The following ELP4 variants were observed in gnomAD, a reference collection of about 807,000 sequenced individuals.
The protein encoded by ELP4 is elongator complex protein 4.
In ELP4, 51 loss-of-function variants were observed where a neutral mutation model predicts 48.9. The observed-to-expected ratio is 1.04, with a 90% CI of 0.83 to 1.32. The LOEUF (loss-of-function observed/expected upper bound fraction) is 1.32, where lower values mean the gene tolerates loss of function less well. Ranked by LOEUF, ELP4 falls within the 40% of genes most tolerant of loss-of-function variation. The pLI is 0.00. For missense variants in ELP4, 519 were observed against 514.6 expected, an observed-to-expected ratio of 1.01 and a Z score of -0.08; for synonymous variants, 210 against 189.2, an observed-to-expected ratio of 1.11 and a Z score of -0.90.
At chr11:31,661,232 A>G (rs912147506) in intron 9 of ELP4, among the ~76,000 whole-genome samples, 4 of 152,088 alleles carry the variant, frequency 2.6e-5, no homozygotes, top group African/African-American at 9.7e-5. Flanking sequence ...TAACAAAAGT[A>G]ATTTAACAAT....
intron 9 of ELP4, among the ~76,000 whole-genome samples, chr11:31,766,707 A>G (rs569194336): frequency 6.6e-6 from 1 of 151,680 alleles, no homozygotes; most frequent in South Asian, 2.1e-4. Flanking sequence ...ATAAATATAT[A>G]ATGAAAATAA....
chr11:31,588,063 A>G (rs937424880), intron 3 of ELP4, among the ~76,000 whole-genome samples: 4 of 152,110 alleles, frequency 2.6e-5, no homozygotes, highest in Non-Finnish European at 2.9e-5. Flanking sequence ...GTTTCTGTAT[A>G]TGCTTTGTGG....
chr11:31,518,385 C>T (rs1011134124), intron 1 of ELP4, among the ~76,000 whole-genome samples: 24 of 151,928 alleles, frequency 1.6e-4, no homozygotes, highest in Non-Finnish European at 2.9e-4. Flanking sequence ...GGATTACAGG[C>T]GTGTGCAACT....
At chr11:31,530,888 G>A (rs1487238160) in intron 2 of ELP4, among the ~76,000 whole-genome samples, 2 of 152,150 alleles carry the variant, frequency 1.3e-5, no homozygotes, top group Non-Finnish European at 2.9e-5. Flanking sequence ...GTTGACTACT[G>A]TGGAATAGAA....
intron 7 of ELP4, among the ~76,000 whole-genome samples, chr11:31,638,273 T>G (rs1945022008): frequency 6.6e-6 from 1 of 151,854 alleles, no homozygotes; most frequent in Non-Finnish European, 1.5e-5. Flanking sequence ...TAATTTTAAG[T>G]ATTGCCAGAG....
intron 3 of ELP4, among the ~76,000 whole-genome samples, chr11:31,568,394 A>G (rs931060394): frequency 3.9e-5 from 6 of 152,214 alleles, no homozygotes; most frequent in African/African-American, 1.2e-4. Context: ...CACTACTTCC[A>G]TCAAACTACC....
chr11:31,566,229 G>A (rs1212194575), intron 3 of ELP4, among the ~76,000 whole-genome samples: 1 of 152,022 alleles, frequency 6.6e-6, no homozygotes, highest in Non-Finnish European at 1.5e-5. Context: ...GTGGCAGTAT[G>A]CACCTGTAGT....
chr11:31,660,056 T>G (rs986113800), intron 9 of ELP4, among the ~76,000 whole-genome samples: 4 of 152,202 alleles, frequency 2.6e-5, no homozygotes, highest in Admixed American at 6.6e-5. Context: ...AGCAAAGTTG[T>G]ATTTAATTAC....
At chr11:31,734,869 A>G (rs1947272085) in intron 9 of ELP4, among the ~76,000 whole-genome samples, 1 of 152,208 alleles carries the variant, frequency 6.6e-6, no homozygotes, top group Non-Finnish European at 1.5e-5. Context: ...TCTAAAATTC[A>G]TATGGAATAA....
chr11:31,647,983 C>G, intron 8 of ELP4, 134 bp downstream of exon 8: 1 of 569,528 alleles, frequency 1.8e-6, no homozygotes, highest in Non-Finnish European at 3.2e-6. Context: ...ATTTTCCATT[C>G]CTGTCCAGTC....
At chr11:31,616,620 A>G (rs1012756032) in intron 5 of ELP4, among the ~76,000 whole-genome samples, 10 of 152,120 alleles carry the variant, frequency 6.6e-5, no homozygotes, top group African/African-American at 2.4e-4. Flanking sequence ...GGACTTAATC[A>G]ACAGTGAAAA....
intron 2 of ELP4, among the ~76,000 whole-genome samples, chr11:31,525,027 C>T (rs1956276615): frequency 6.6e-6 from 1 of 152,120 alleles, no homozygotes. Flanking sequence ...AATTGGCCTG[C>T]TAGCTGGTCA....
chr11:31,564,115 A>G (rs1257015606), intron 3 of ELP4, among the ~76,000 whole-genome samples: 1 of 152,216 alleles, frequency 6.6e-6, no homozygotes, highest in Non-Finnish European at 1.5e-5. Flanking sequence ...AGTAAGTAAC[A>G]TAGTTAATGT....
chr11:31,725,454 C>G (rs942518473), intron 9 of ELP4, among the ~76,000 whole-genome samples: 2 of 152,212 alleles, frequency 1.3e-5, no homozygotes, highest in Non-Finnish European at 2.9e-5. Flanking sequence ...CACCCCTTCT[C>G]TCTGCCCTGC....
intron 9 of ELP4, among the ~76,000 whole-genome samples, chr11:31,710,355 T>C (rs1009441217): frequency 1.3e-5 from 2 of 152,206 alleles, no homozygotes; most frequent in Admixed American, 6.5e-5. Context: ...CCGGGCATGG[T>C]GGCTCACGCC....
chr11:31,518,328 A>C (rs908395178), intron 1 of ELP4, among the ~76,000 whole-genome samples: 2 of 150,100 alleles, frequency 1.3e-5, no homozygotes, highest in Admixed American at 6.6e-5. Context: ...CTGGTCTCGA[A>C]CTCCTGACTT....
intron 5 of ELP4, among the ~76,000 whole-genome samples, chr11:31,606,029 T>C (rs1006261215): frequency 6.6e-6 from 1 of 152,112 alleles, no homozygotes; most frequent in Admixed American, 6.6e-5. Context: ...TTAATCAGCC[T>C]TGAGGATATA....
rs1165203198 is a variant in ELP4 at position 31,789,583 on chromosome 11, A to C, written c.*6059A>C. On this transcript the variant is annotated 3_prime_UTR_variant, in exon 10 of 10. Coordinates refer to ENST00000640961, the MANE Select transcript of ELP4 (RefSeq NM_019040.5). ...TTGATCATGGTTTTCTTTTTAAAAAAAAAAAAAACAACTTCATGACCAACA... is the reference window on the plus strand; with the variant it reads ...TTGATCATGGTTTTCTTTTTAAAAACAAAAAAAACAACTTCATGACCAACA... The C allele has an allele frequency of 3.3e-6, 2 of 605,926 alleles. No individual in the cohort carries two copies. The highest frequency in any genetic ancestry group is 5.8e-6 in the Non-Finnish European group (2 of 344,236). The allele number at this position is 605,926 out of a possible 1,614,324, so 37.5% of individuals were successfully genotyped here.
rs959519373 is a variant in ELP4 at position 31,786,858 on chromosome 11, T to A, written c.*3334T>A. On this transcript the variant is annotated 3_prime_UTR_variant, in exon 10 of 10. Transcript: ENST00000640961. ...TACTTAAAACATTCAGCTCTTATTC[T>A]ATTCACCTGGTTTTCCCAAGTCAGT... is the stretch of plus-strand genomic sequence containing the variant. 12 of 218,278 alleles carry A rather than the reference T, an allele frequency of 5.5e-5. No individual in the cohort carries two copies. The highest frequency in any genetic ancestry group is 2.8e-3 in the Middle Eastern group (2 of 722). The allele number at this position is 218,278 out of a possible 1,614,324, so 13.5% of individuals were successfully genotyped here.
Sources: gnomAD v4.1 joint callset for allele counts (sites outside exome capture counted in the v4.1 genomes callset) on GRCh38, gnomAD v4.1.1 for gene constraint, MANE v1.5 for transcripts, NCBI Gene and HGNC (gene_info 2026-07-23, HGNC 2026-07-21) for gene names.